Variants in ESRRG observed in about 807,000 individuals in gnomAD.
The protein encoded by ESRRG is estrogen related receptor gamma, also known as estrogen-related receptor gamma.
In ESRRG, 13 loss-of-function variants were observed where a neutral mutation model predicts 44.0. The observed-to-expected ratio is 0.30, with a 90% confidence interval of 0.19 to 0.47. The LOEUF (loss-of-function observed/expected upper bound fraction) is 0.47. ESRRG is among the 20% of genes least tolerant of loss of function. The pLI, the probability that ESRRG is intolerant of heterozygous loss-of-function variation, is 1.00. For missense variants in ESRRG, 395 were observed against 580.6 expected (o/e 0.68, Z 3.29); for synonymous variants, 215 against 214.6 (o/e 1.00, Z -0.02).
intron 2 of ESRRG, among the ~76,000 whole-genome samples, chr1:216,908,858 C>G (rs549406436): frequency 5.8e-4 from 88 of 151,112 alleles, no homozygotes; most frequent in African/African-American, 2.1e-3. Context: ...AGAGCATCCT[C>G]TACACCACAG....
rs11318094 is a variant in ESRRG at position 216,883,386 on chromosome 1, GAAAAAAAAAAA to G, written c.-14+56185_-14+56195del. ...GGGGACAAGAGCGAGACTTCTCTGAGAAAAAAAAAAAAAAAAAAAAAAAAAAAAGATACATT... is the reference window on the plus strand; with the variant it reads ...GGGGACAAGAGCGAGACTTCTCTGAGAAAAAAAAAAAAAAAAAGATACATT... On this transcript the variant is annotated intron_variant, in intron 2 of 7. Coordinates refer to the ESRRG transcript ENST00000359162. Among the ~76,000 whole-genome samples the G allele has an allele frequency of 6.5e-4, 49 of 75,878 alleles. 1 individual carries two copies. The highest frequency in any genetic ancestry group is 9.9e-4 in the African/African-American group (23 of 23,252). 49.8% of individuals were successfully genotyped at this position (75,878 alleles called of 152,430 possible). A position where few individuals can be genotyped will look rare whatever the true frequency, so the allele number is the denominator to read the frequency against.
Position 216,830,925 on chromosome 1 carries a change from C to T in ESRRG, c.-14+108657G>A, listed in dbSNP as rs577249751. 2.0e-5 allele frequency among the ~76,000 whole-genome samples: 3 copies of T among 152,086 alleles called. No individual in the cohort carries two copies. The East Asian group carries it at 5.8e-4, about 29-fold the overall frequency. On this transcript the variant is annotated intron_variant, in intron 2 of 7. Coordinates refer to the ESRRG transcript ENST00000359162. ...AACAGTAAACTGAAATGTCATAATACCCCCAAGCCTGGGCGTGCTCTCACC... is the reference window on the plus strand; with the variant it reads ...AACAGTAAACTGAAATGTCATAATATCCCCAAGCCTGGGCGTGCTCTCACC...
chr1:216,725,181 T>C (rs1048671182), upstream of ESRRG, among the ~76,000 whole-genome samples: 2 of 152,168 alleles, frequency 1.3e-5, no homozygotes, highest in African/African-American at 4.8e-5. Context: ...TATTTAGCTA[T>C]ATCTAAGATA....
chr1:216,706,501 G>A (rs1366765030), intron 1 of ESRRG, among the ~76,000 whole-genome samples: 1 of 152,146 alleles, frequency 6.6e-6, no homozygotes, highest in African/African-American at 2.4e-5. Flanking sequence ...ATTTCTAAAA[G>A]TGTGGCATTT....
intron 2 of ESRRG, among the ~76,000 whole-genome samples, chr1:216,797,553 G>GA (rs557088459): frequency 3.3e-5 from 5 of 152,014 alleles, no homozygotes; most frequent in African/African-American, 4.8e-5. Flanking sequence ...GTAAAGGGGG[G>GA]AAAAAAATCC....
chr1:216,600,764 G>A (rs1335549383), intron 3 of ESRRG, among the ~76,000 whole-genome samples: 1 of 152,156 alleles, frequency 6.6e-6, no homozygotes, highest in Non-Finnish European at 1.5e-5. Context: ...GGACCATGTC[G>A]TTTTCACCCA....
chr1:216,776,697 A>C (rs1345570079), intron 2 of ESRRG, among the ~76,000 whole-genome samples: 1 of 152,120 alleles, frequency 6.6e-6, no homozygotes, highest in East Asian at 1.9e-4. Context: ...GATTTTATGG[A>C]GTTCAGGAGG....
At chr1:216,958,759 TCTC>T (rs1431386601) in intron 1 of ESRRG, among the ~76,000 whole-genome samples, 17 of 152,232 alleles carry the variant, frequency 1.1e-4, no homozygotes, top group Middle Eastern at 3.4e-3. Context: ...TATGATCTCA[TCTC>T]CTAGTACTGC....
At chr1:216,946,837 T>G (rs1422195025) in intron 1 of ESRRG, among the ~76,000 whole-genome samples, 1 of 151,958 alleles carries the variant, frequency 6.6e-6, no homozygotes, top group Non-Finnish European at 1.5e-5. Context: ...AGTAGCGAGA[T>G]TATAGGCACC....
intron 5 of ESRRG, among the ~76,000 whole-genome samples, chr1:216,530,299 T>C (rs12117150): frequency 0.34 from 51,582 of 149,632 alleles, 8,905 homozygotes; most frequent in Non-Finnish European, 0.35. Context: ...GATAGATATA[T>C]TAAGGTCTAT....
chr1:216,864,204 C>A (rs1456490219), intron 2 of ESRRG: 1 of 152,028 alleles, frequency 6.6e-6, no homozygotes, highest in East Asian at 1.9e-4. Flanking sequence ...AATCTTTAAC[C>A]CAGATTGAAT....
rs1217331911 is a variant in ESRRG, at chr1:216,879,546, C to A, written c.-14+60036G>T. ...GGCAGTTTAAAAAAGATACCAGCTG[C>A]CACGATGCTGCATTAATGCAAACAC... On this transcript the variant is annotated intron_variant, in intron 2 of 7. Transcript: ENST00000359162. Among the ~76,000 whole-genome samples the A allele has an allele frequency of 6.6e-5, 10 of 151,500 alleles. No individual in the cohort carries two copies. In the East Asian group the frequency reaches 1.9e-3, roughly 29 times the overall value.
chr1:216,866,583 T>C (rs1314021639), intron 2 of ESRRG, among the ~76,000 whole-genome samples: 2 of 151,926 alleles, frequency 1.3e-5, no homozygotes, highest in African/African-American at 4.8e-5. Flanking sequence ...TTTTATTTTT[T>C]TTCTTTGAGA....
intron 1 of ESRRG, among the ~76,000 whole-genome samples, chr1:217,038,797 C>T (rs1006157383): frequency 3.3e-5 from 5 of 152,250 alleles, no homozygotes; most frequent in Admixed American, 2.6e-4. Context: ...ATTTCTACAG[C>T]TGGCTTAAGT....
upstream of ESRRG, among the ~76,000 whole-genome samples, chr1:217,091,770 C>T (rs2092349062): frequency 6.6e-6 from 1 of 152,196 alleles, no homozygotes; most frequent in African/African-American, 2.4e-5. Flanking sequence ...CTATTGAGAA[C>T]TCAAGGAGGG....
chr1:216,767,268 AACACAC>A lies in ESRRG; in HGVS notation c.-13-89783_-13-89778del, dbSNP rs533093606. The stretch of plus-strand genomic sequence containing the variant: ...TAAAAAAAGAAAAGAAAGGACAAAA[AACACAC>A]ACACACACACGCAAAGGAGTGGGTA... On this transcript the variant is annotated intron_variant, in intron 2 of 7. Transcript: ENST00000359162. 3.7e-3 allele frequency among the ~76,000 whole-genome samples: 565 copies of A among 151,930 alleles called. 2 individuals carry two copies. The highest frequency in any genetic ancestry group is 6.6e-3 in the Non-Finnish European group (451 of 67,914).
chr1:216,620,112 GT>G (rs568647940), intron 3 of ESRRG, among the ~76,000 whole-genome samples: 2 of 152,228 alleles, frequency 1.3e-5, no homozygotes, highest in Non-Finnish European at 2.9e-5. Flanking sequence ...ATATAGTGTA[GT>G]TTTTTTAAGT....
intron 3 of ESRRG, among the ~76,000 whole-genome samples, chr1:216,637,860 T>C (rs1246601491): frequency 6.6e-6 from 1 of 152,086 alleles, no homozygotes; most frequent in Non-Finnish European, 1.5e-5. Context: ...ACTTCTGAAA[T>C]ACAATTCTGT....
intron 3 of ESRRG, among the ~76,000 whole-genome samples, chr1:216,618,512 T>C (rs894585029): frequency 6.6e-6 from 1 of 152,212 alleles, no homozygotes; most frequent in Non-Finnish European, 1.5e-5. Context: ...TTTACATATA[T>C]ATAAATAAGT....
Sources: gnomAD v4.1 joint callset for allele counts (sites outside exome capture counted in the v4.1 genomes callset) on GRCh38, gnomAD v4.1.1 for gene constraint, MANE v1.5 for transcripts, NCBI Gene and HGNC (gene_info 2026-07-23, HGNC 2026-07-21) for gene names.